The following MBOAT2 variants were observed in gnomAD, a reference collection of about 807,000 sequenced individuals.
MBOAT2 encodes the protein membrane bound glycerophospholipid O-acyltransferase 2, also known as membrane-bound glycerophospholipid O-acyltransferase 2.
Under a neutral mutation model 63.4 loss-of-function variants are expected in MBOAT2, and 28 were observed. The ratio of observed to expected loss-of-function variants is 0.44; its 90% confidence interval spans 0.33 to 0.61. The LOEUF (loss-of-function observed/expected upper bound fraction) is 0.61. Ranked by LOEUF, MBOAT2 falls within the 20% of genes least tolerant of loss-of-function variation. The pLI, the probability that MBOAT2 is intolerant of heterozygous loss-of-function variation, is 0.03. For synonymous variants in MBOAT2, 211 were observed against 215.6 expected (o/e 0.98, Z 0.19); for missense variants, 470 against 605.8 (o/e 0.78, Z 2.35).
chr2:8,928,122 C>T lies in MBOAT2; in HGVS notation c.299+15065G>A, dbSNP rs540871563. ...GACTGTGAGAACAGTATCAAAGGGA[C>T]GGCGCTAAACCATTCATGAGAACCT... is the stretch of plus-strand genomic sequence containing the variant. On this transcript the variant is annotated intron_variant, in intron 3 of 12. Coordinates refer to ENST00000305997, the MANE Select transcript of MBOAT2 (RefSeq NM_138799.4). 1.5e-4 allele frequency among the ~76,000 whole-genome samples: 23 copies of T among 152,178 alleles called. No individual in the cohort carries two copies. In the East Asian group the frequency reaches 3.9e-3, roughly 26 times the overall value.
intron 1 of MBOAT2, among the ~76,000 whole-genome samples, chr2:8,964,671 G>A (rs1310097705): frequency 6.6e-6 from 1 of 152,206 alleles, no homozygotes; most frequent in African/African-American, 2.4e-5. Flanking sequence ...ACATCCACTT[G>A]ACTAAGTATT....
At chr2:8,976,452 C>T (rs900213883) in intron 1 of MBOAT2, among the ~76,000 whole-genome samples, 5 of 152,040 alleles carry the variant, frequency 3.3e-5, no homozygotes, top group Non-Finnish European at 7.4e-5. Flanking sequence ...CTTCAGTAGG[C>T]GACCTACTGA....
At chr2:8,951,716 ACAG>A (rs1668849040) in intron 2 of MBOAT2, among the ~76,000 whole-genome samples, 1 of 152,158 alleles carries the variant, frequency 6.6e-6, no homozygotes, top group South Asian at 2.1e-4. Context: ...GTTTGTGTGC[ACAG>A]AGATGTTTAT....
intron 2 of MBOAT2, among the ~76,000 whole-genome samples, chr2:8,944,580 C>T (rs16866856): frequency 0.049 from 7,443 of 151,714 alleles, 183 homozygotes; most frequent in Middle Eastern, 0.061. Context: ...TAATAGTCTC[C>T]AAGGCAGGCC....
intron 4 of MBOAT2, chr2:8,908,184 T>C (rs1558601423): frequency 6.5e-6 from 1 of 152,904 alleles, no homozygotes; most frequent in Non-Finnish European, 1.5e-5. Context: ...TAATCAGTTT[T>C]GTTACAGGAC....
intron 6 of MBOAT2, among the ~76,000 whole-genome samples, chr2:8,879,112 G>A (rs1257561241): frequency 6.6e-6 from 1 of 151,010 alleles, no homozygotes; most frequent in African/African-American, 2.4e-5. Context: ...TGAACCTTAA[G>A]TATTTTCTTT....
At chr2:8,881,636 T>C (rs1390082937) in intron 6 of MBOAT2, among the ~76,000 whole-genome samples, 2 of 152,114 alleles carry the variant, frequency 1.3e-5, no homozygotes, top group East Asian at 3.9e-4. Context: ...CTCCTAAAGA[T>C]CAAAGAACCA....
chr2:8,975,276 G>A (rs1296153742), intron 1 of MBOAT2, among the ~76,000 whole-genome samples: 2 of 152,074 alleles, frequency 1.3e-5, no homozygotes, highest in African/African-American at 4.8e-5. Flanking sequence ...CTAGAAAGTA[G>A]AACCTTTATT....
At chr2:8,901,187 G>A (rs958095077) in intron 4 of MBOAT2, among the ~76,000 whole-genome samples, 2 of 151,354 alleles carry the variant, frequency 1.3e-5, no homozygotes, top group Non-Finnish European at 2.9e-5. Flanking sequence ...GAATAGTTGC[G>A]CTCACCGATG....
intron 9 of MBOAT2, among the ~76,000 whole-genome samples, chr2:8,866,609 C>A (rs770751250): frequency 9.9e-5 from 15 of 152,222 alleles, no homozygotes; most frequent in African/African-American, 3.4e-4. Context: ...AATTCCTCAA[C>A]ATTATCTAAT....
intron 11 of MBOAT2, among the ~76,000 whole-genome samples, chr2:8,861,689 T>C (rs2148507303): frequency 6.6e-6 from 1 of 152,292 alleles, no homozygotes; most frequent in East Asian, 1.9e-4. Flanking sequence ...TCCAAACACC[T>C]TCCTAATGGG....
chr2:8,987,626 G>C (rs1671658974), intron 1 of MBOAT2, among the ~76,000 whole-genome samples: 1 of 152,110 alleles, frequency 6.6e-6, no homozygotes, highest in South Asian at 2.1e-4. Flanking sequence ...TCAGAGACTG[G>C]AATTATCTAA....
chr2:8,996,699 C>A (rs1003250862), intron 1 of MBOAT2, among the ~76,000 whole-genome samples: 1 of 152,220 alleles, frequency 6.6e-6, no homozygotes, highest in Admixed American at 6.5e-5. Flanking sequence ...TGACCCTCCA[C>A]ATCTAGTGCA....
intron 7 of MBOAT2, among the ~76,000 whole-genome samples, chr2:8,875,123 A>G (rs1662617116): frequency 6.6e-6 from 1 of 152,242 alleles, no homozygotes; most frequent in South Asian, 2.1e-4. Context: ...GGTCCCCAAC[A>G]GAAGAGCCAG....
intron 1 of MBOAT2, among the ~76,000 whole-genome samples, chr2:8,982,111 C>T (rs1285959970): frequency 1.3e-5 from 2 of 152,054 alleles, no homozygotes; most frequent in Non-Finnish European, 2.9e-5. Context: ...CCGGATTAAG[C>T]GAGATAACCC....
At chr2:8,971,025 G>C (rs904977114) in intron 1 of MBOAT2, among the ~76,000 whole-genome samples, 10 of 152,198 alleles carry the variant, frequency 6.6e-5, no homozygotes, top group Admixed American at 3.9e-4. Context: ...ATGAGGCCAG[G>C]ATCATCCTGA....
At chr2:8,874,204 C>T (rs367743784) in intron 7 of MBOAT2, among the ~76,000 whole-genome samples, 1 of 152,136 alleles carries the variant, frequency 6.6e-6, no homozygotes, top group Non-Finnish European at 1.5e-5. Flanking sequence ...AAAGCATATG[C>T]CGGATGCACT....
Position 8,864,152 on chromosome 2 carries a change from G to A in MBOAT2, c.1052+18C>T, listed in dbSNP as rs374280551. On this transcript the variant is annotated intron_variant, in intron 10 of 12. Coordinates refer to ENST00000305997, the MANE Select transcript of MBOAT2 (RefSeq NM_138799.4). ...AGACGCCAAAGCACATCTAAAGATC[G>A]TTTTTGAAGGAACGCACCTTTTGAG... 4.1e-5 allele frequency: 64 copies of A among 1,549,900 alleles called. No individual in the cohort carries two copies. The highest frequency in any genetic ancestry group is 3.4e-4 in the Middle Eastern group (2 of 5,828).
intron 3 of MBOAT2, among the ~76,000 whole-genome samples, chr2:8,938,517 T>C (rs766190266): frequency 6.3e-4 from 95 of 151,206 alleles, no homozygotes; most frequent in Non-Finnish European, 1.3e-3. Flanking sequence ...CATTTTATGC[T>C]GCCACGTTTC....
Sources: allele counts gnomAD v4.1 joint callset (sites outside exome capture counted in the v4.1 genomes callset), GRCh38; gene constraint gnomAD v4.1.1; transcripts MANE v1.5; gene names NCBI Gene and HGNC (gene_info 2026-07-23, HGNC 2026-07-21).